Variants in SH3BP5 observed in about 807,000 individuals in gnomAD.
The protein encoded by SH3BP5 is SH3 domain-binding protein 5.
A neutral mutation model predicts 43.3 loss-of-function variants in SH3BP5; 22 were observed. That is an observed-to-expected ratio of 0.51 (90% CI 0.36 to 0.73). SH3BP5 has a LOEUF of 0.73. Among genes scored for constraint, SH3BP5 ranks in the 30% least tolerant of loss-of-function variants. The pLI is 0.00. For synonymous variants in SH3BP5, 255 were observed against 225.8 expected (o/e 1.13, Z -1.16); for missense variants, 529 against 586.9 (o/e 0.90, Z 1.02).
chr3:15,268,313 T>G (rs180743135), intron 4 of SH3BP5, among the ~76,000 whole-genome samples: 2 of 152,214 alleles, frequency 1.3e-5, no homozygotes, highest in Non-Finnish European at 2.9e-5. Context: ...CAGGTGACAT[T>G]TAAAAGGGAA....
At chr3:15,318,238 G>A (rs1320818356) in intron 2 of SH3BP5, among the ~76,000 whole-genome samples, 4 of 152,102 alleles carry the variant, frequency 2.6e-5, no homozygotes, top group African/African-American at 4.8e-5. Flanking sequence ...TTTAATAACT[G>A]GCTAAGGGGC....
chr3:15,269,639 G>A lies in SH3BP5; in HGVS notation c.495+74C>T, dbSNP rs1696741687. On this transcript the variant is annotated intron_variant, in intron 4 of 8. Coordinates refer to ENST00000383791, the MANE Select transcript of SH3BP5 (RefSeq NM_004844.5). ...GGCAACATGCCTGGGAGTCGAGTCT[G>A]TTACCTCCGCTCAGGGGAAGCCAGC... 9 of 1,444,354 alleles carry A rather than the reference G, an allele frequency of 6.2e-6. No individual in the cohort carries two copies. In the South Asian group the frequency reaches 1.3e-4, roughly 21 times the overall value. 89.5% of individuals were successfully genotyped at this position (1,444,354 alleles called of 1,614,324 possible). A position where few individuals can be genotyped will look rare whatever the true frequency, so the allele number is the denominator to read the frequency against.
At chr3:15,263,870 G>C (rs1002058496) in intron 4 of SH3BP5, among the ~76,000 whole-genome samples, 5 of 152,198 alleles carry the variant, frequency 3.3e-5, no homozygotes, top group Admixed American at 2.6e-4. Context: ...AGAGACAGTA[G>C]AGGTTAGGCT....
chr3:15,294,324 T>C (rs826429), intron 3 of SH3BP5, among the ~76,000 whole-genome samples: 1 of 135,464 alleles, frequency 7.4e-6, no homozygotes, highest in South Asian at 2.3e-4. Flanking sequence ...TGTGTGTGTG[T>C]GTGTGTGCGC....
At chr3:15,291,661 G>C (rs1032496218) in intron 3 of SH3BP5, among the ~76,000 whole-genome samples, 1 of 152,116 alleles carries the variant, frequency 6.6e-6, no homozygotes, top group Non-Finnish European at 1.5e-5. Flanking sequence ...AGTGTAAAGG[G>C]TGTAGTTCTG....
At chr3:15,314,982 GGA>G (rs1698150440) in intron 2 of SH3BP5, among the ~76,000 whole-genome samples, 1 of 152,090 alleles carries the variant, frequency 6.6e-6, no homozygotes, top group Non-Finnish European at 1.5e-5. Flanking sequence ...ACCAGAGGAG[GGA>G]GAGACAGACA....
upstream of SH3BP5, among the ~76,000 whole-genome samples, chr3:15,336,798 C>G (rs1698705255): frequency 6.6e-6 from 1 of 152,164 alleles, no homozygotes; most frequent in Non-Finnish European, 1.5e-5. Context: ...AGGGCTTCAT[C>G]ATGGCTCCCT....
At position 15,256,840 on chromosome 3, in the gene SH3BP5, G is replaced by T. The variant is rs377474188; in HGVS notation, c.1150+13C>A. 16 of 1,598,740 alleles carry T rather than the reference G, an allele frequency of 1.0e-5. No homozygotes were observed. Among genetic ancestry groups the T allele is most frequent in the Non-Finnish European group, 1.4e-5 (16 of 1,169,264 alleles). ...TGTGGCATCTGGGACGGGGTGAGAA[G>T]GCTGCTACTCACCTCGTTCTACTTC... On this transcript the variant is annotated intron_variant, in intron 8 of 8. Coordinates refer to ENST00000383791, the MANE Select transcript of SH3BP5 (RefSeq NM_004844.5).
chr3:15,271,803 T>C (rs1696806955), intron 3 of SH3BP5: 1 of 152,234 alleles, frequency 6.6e-6, no homozygotes, highest in South Asian at 2.1e-4. Flanking sequence ...AGTAGATACC[T>C]TTACCCCAAG....
Position 15,332,254 on chromosome 3 carries a change from G to T in SH3BP5, c.138+17C>A. ...CCCTCGCGAAGCCCGGATGCGGGGC[G>T]ACCCCGCGCGCCCTACCTGGATCCG... On this transcript the variant is annotated intron_variant, in intron 1 of 8. Coordinates refer to ENST00000383791, the MANE Select transcript of SH3BP5 (RefSeq NM_004844.5). 1.3e-6 allele frequency: 2 copies of T among 1,551,388 alleles called. No individual in the cohort carries two copies. Among genetic ancestry groups the T allele is most frequent in the East Asian group, 2.4e-5 (1 of 41,760 alleles).
intron 2 of SH3BP5, among the ~76,000 whole-genome samples, chr3:15,304,784 C>T (rs1697851847): frequency 6.8e-6 from 1 of 146,872 alleles, no homozygotes; most frequent in Admixed American, 6.9e-5. Flanking sequence ...CACTGCACTC[C>T]AGCCTGGGTG....
chr3:15,318,015 A>T (rs533338147), intron 2 of SH3BP5, among the ~76,000 whole-genome samples: 1 of 152,240 alleles, frequency 6.6e-6, no homozygotes, highest in Admixed American at 6.5e-5. Context: ...CCAGCCTCAG[A>T]TTTCTGGATT....
At chr3:15,330,717 T>C (rs918701955) in intron 1 of SH3BP5, 151 bp from the exon 2 acceptor site, 2 of 1,395,294 alleles carry the variant, frequency 1.4e-6, no homozygotes, top group Non-Finnish European at 1.9e-6. Flanking sequence ...AGTTGAGGCT[T>C]GACTAGAAAA....
At chr3:15,302,376 C>G (rs1404453801) in intron 3 of SH3BP5, among the ~76,000 whole-genome samples, 1 of 152,168 alleles carries the variant, frequency 6.6e-6, no homozygotes, top group East Asian at 1.9e-4. Flanking sequence ...AGGGCTTGTG[C>G]AGACCAACGA....
At chr3:15,305,951 G>GGGATCA (rs1559450381) in intron 2 of SH3BP5, among the ~76,000 whole-genome samples, 1 of 151,872 alleles carries the variant, frequency 6.6e-6, no homozygotes, top group African/African-American at 2.4e-5. Context: ...CCTATTGGAA[G>GGGATCA]GGATCAGGTC....
At chr3:15,317,052 C>G (rs1355687511) in intron 2 of SH3BP5, among the ~76,000 whole-genome samples, 16 of 152,198 alleles carry the variant, frequency 1.1e-4, no homozygotes, top group Non-Finnish European at 2.2e-4. Context: ...CATGTTTACG[C>G]CAGGAGGCTT....
chr3:15,277,161 T>C (rs1002625052), intron 3 of SH3BP5, among the ~76,000 whole-genome samples: 8 of 152,032 alleles, frequency 5.3e-5, no homozygotes, highest in African/African-American at 1.9e-4. Context: ...TTTTAGTAGA[T>C]ACAACGGGGT....
chr3:15,305,495 G>A (rs1697878007), intron 2 of SH3BP5, among the ~76,000 whole-genome samples: 2 of 152,252 alleles, frequency 1.3e-5, no homozygotes, highest in Admixed American at 1.3e-4. Flanking sequence ...GTCAGTGCCA[G>A]GGTGGGAATG....
chr3:15,328,736 G>C, intron 2 of SH3BP5, among the ~76,000 whole-genome samples: 1 of 152,120 alleles, frequency 6.6e-6, no homozygotes, highest in East Asian at 1.9e-4. Context: ...AACTGGAGGA[G>C]ATCTGGAAAA....
Sources: allele counts gnomAD v4.1 joint callset (sites outside exome capture counted in the v4.1 genomes callset), GRCh38; gene constraint gnomAD v4.1.1; transcripts MANE v1.5; gene names NCBI Gene and HGNC (gene_info 2026-07-23, HGNC 2026-07-21).